Variants in PLCL1 observed in about 807,000 individuals in gnomAD.
PLCL1 encodes inactive phospholipase C-like protein 1.
A neutral mutation model predicts 84.4 loss-of-function variants in PLCL1; 41 were observed. The observed-to-expected ratio is 0.49, with a 90% confidence interval of 0.38 to 0.63. The LOEUF (loss-of-function observed/expected upper bound fraction) is 0.63, where lower values mean the gene tolerates loss of function less well. Among genes scored for constraint, PLCL1 ranks in the 30% least tolerant of loss-of-function variants. The pLI is 0.00. For synonymous variants in PLCL1, 490 were observed against 488.3 expected (o/e 1.00, Z -0.05); for missense variants, 1,206 against 1,367.8 (o/e 0.88, Z 1.87).
intron 1 of PLCL1, among the ~76,000 whole-genome samples, chr2:197,957,728 A>G (rs530394985): frequency 2.6e-5 from 4 of 152,172 alleles, no homozygotes; most frequent in African/African-American, 4.8e-5. Context: ...CAAGCTCTAA[A>G]TGGAGGAATG....
At chr2:197,881,063 C>A (rs929289783) in intron 1 of PLCL1, among the ~76,000 whole-genome samples, 7 of 152,160 alleles carry the variant, frequency 4.6e-5, no homozygotes, top group African/African-American at 1.7e-4. Flanking sequence ...TTAAAAAATT[C>A]TCTGCCAGCC....
intron 5 of PLCL1, among the ~76,000 whole-genome samples, chr2:198,141,710 T>C (rs1165358995): frequency 6.6e-6 from 1 of 152,172 alleles, no homozygotes; most frequent in Non-Finnish European, 1.5e-5. Context: ...CTCATCCCAC[T>C]ATGATGTCTG....
chr2:198,129,290 C>G (rs549957078), intron 5 of PLCL1, among the ~76,000 whole-genome samples: 3 of 152,096 alleles, frequency 2.0e-5, no homozygotes, highest in Non-Finnish European at 4.4e-5. Context: ...TCTATTGCCT[C>G]TAAGGATGGC....
chr2:198,148,414 T>C lies in PLCL1; in HGVS notation c.*1452T>C, dbSNP rs1392322751. On this transcript the variant is annotated 3_prime_UTR_variant, in exon 6 of 6. Coordinates refer to ENST00000428675, the MANE Select transcript of PLCL1 (RefSeq NM_006226.4). ...AAAGATATGAAAAAAACACTTATTGTTTTCTTTTATTGTGAATTGAAAAAG... is the reference window on the plus strand; with the variant it reads ...AAAGATATGAAAAAAACACTTATTGCTTTCTTTTATTGTGAATTGAAAAAG... The C allele has an allele frequency of 6.6e-6, 1 of 152,316 alleles. No individual in the cohort carries two copies. The highest frequency in any genetic ancestry group is 1.5e-5 in the Non-Finnish European group (1 of 68,042). 9.4% of individuals were successfully genotyped at this position (152,316 alleles called of 1,614,324 possible). A position where few individuals can be genotyped will look rare whatever the true frequency, so the allele number is the denominator to read the frequency against.
At chr2:198,049,254 G>A (rs1260000112) in intron 1 of PLCL1, among the ~76,000 whole-genome samples, 2 of 152,208 alleles carry the variant, frequency 1.3e-5, no homozygotes, top group African/African-American at 2.4e-5. Flanking sequence ...GGAACATCAA[G>A]TGACTAAAAT....
chr2:198,114,848 C>G (rs1242259409), intron 5 of PLCL1, among the ~76,000 whole-genome samples: 1 of 151,354 alleles, frequency 6.6e-6, no homozygotes, highest in African/African-American at 2.4e-5. Flanking sequence ...CATATATACA[C>G]ACATATATGG....
At chr2:198,036,988 A>C (rs980460674) in intron 1 of PLCL1, among the ~76,000 whole-genome samples, 1 of 152,152 alleles carries the variant, frequency 6.6e-6, no homozygotes. Flanking sequence ...ACAGGTGGAC[A>C]CTGGGCCATT....
chr2:197,867,026 G>A (rs1687563494), intron 1 of PLCL1, among the ~76,000 whole-genome samples: 1 of 152,120 alleles, frequency 6.6e-6, no homozygotes, highest in Admixed American at 6.6e-5. Flanking sequence ...AGCATGACCC[G>A]AGATGCATTA....
chr2:197,989,025 G>A (rs1293557981), intron 1 of PLCL1, among the ~76,000 whole-genome samples: 2 of 152,162 alleles, frequency 1.3e-5, no homozygotes, highest in Non-Finnish European at 2.9e-5. Context: ...ATCCTATTGA[G>A]TGAAAGAACT....
At chr2:198,127,011 T>TGTG (rs762931586) in intron 5 of PLCL1, among the ~76,000 whole-genome samples, 5 of 56,844 alleles carry the variant, frequency 8.8e-5, no homozygotes, top group African/African-American at 1.7e-4. Flanking sequence ...TGTGTGTGTG[T>TGTG]GGGGGGTGGT....
At chr2:198,027,510 C>A (rs574903720) in intron 1 of PLCL1, among the ~76,000 whole-genome samples, 1 of 152,100 alleles carries the variant, frequency 6.6e-6, no homozygotes, top group South Asian at 2.1e-4. Flanking sequence ...ATGCTTATGA[C>A]AAAAAATGAT....
chr2:198,017,865 T>C (rs372172385), intron 1 of PLCL1, among the ~76,000 whole-genome samples: 1 of 152,330 alleles, frequency 6.6e-6, no homozygotes, highest in African/African-American at 2.4e-5. Flanking sequence ...ATACTGTTCT[T>C]GATTGTGTGG....
At chr2:198,033,653 A>G (rs923871705) in intron 1 of PLCL1, among the ~76,000 whole-genome samples, 2 of 151,998 alleles carry the variant, frequency 1.3e-5, no homozygotes, top group African/African-American at 4.8e-5. Flanking sequence ...CCTTTATCCA[A>G]CCTCATCTTG....
chr2:197,962,990 T>C (rs764881661), intron 1 of PLCL1, among the ~76,000 whole-genome samples: 26 of 152,084 alleles, frequency 1.7e-4, no homozygotes, highest in African/African-American at 2.7e-4. Flanking sequence ...TGGACACTTA[T>C]GTTGTTTCCA....
intron 5 of PLCL1, among the ~76,000 whole-genome samples, chr2:198,134,825 T>G (rs562625072): frequency 6.6e-6 from 1 of 152,258 alleles, no homozygotes; most frequent in South Asian, 2.1e-4. Context: ...AATCCAGCAC[T>G]GTGGAGGTGG....
chr2:198,040,858 C>T (rs1273560615), intron 1 of PLCL1, among the ~76,000 whole-genome samples: 3 of 152,164 alleles, frequency 2.0e-5, no homozygotes, highest in Non-Finnish European at 4.4e-5. Flanking sequence ...TGAAACAATA[C>T]ATTTACCCAA....
intron 1 of PLCL1, among the ~76,000 whole-genome samples, chr2:197,965,756 T>A (rs1212445573): frequency 3.9e-5 from 6 of 152,228 alleles, no homozygotes; most frequent in Non-Finnish European, 5.9e-5. Context: ...CAATATCACT[T>A]GTTTCAAAAA....
intron 1 of PLCL1, among the ~76,000 whole-genome samples, chr2:197,868,763 A>AC (rs1559030360): frequency 6.7e-6 from 1 of 149,672 alleles, no homozygotes; most frequent in African/African-American, 2.5e-5. Context: ...TGATCCACCC[A>AC]CCTCAGCCTC....
intron 1 of PLCL1, among the ~76,000 whole-genome samples, chr2:197,880,339 A>C (rs1005416276): frequency 1.3e-5 from 2 of 152,128 alleles, no homozygotes; most frequent in East Asian, 3.8e-4. Flanking sequence ...CCAACAGTGA[A>C]ATTTTTAGAA....
Sources: allele counts gnomAD v4.1 joint callset (sites outside exome capture counted in the v4.1 genomes callset), GRCh38; gene constraint gnomAD v4.1.1; transcripts MANE v1.5; gene names NCBI Gene and HGNC (gene_info 2026-07-23, HGNC 2026-07-21).